Variants in MXD1 observed in about 807,000 individuals in gnomAD.
MXD1 encodes the protein MAX dimerization protein 1, also known as MAX-binding protein.
A neutral mutation model predicts 25.7 loss-of-function variants in MXD1; 9 were observed. That is an observed-to-expected ratio of 0.35 (90% CI 0.21 to 0.61). The LOEUF is 0.61. Among genes scored for constraint, MXD1 ranks in the 20% least tolerant of loss-of-function variants. MXD1 has a pLI of 0.75. For missense variants in MXD1, 227 were observed against 292.4 expected (o/e 0.78, Z 1.63); for synonymous variants, 99 against 113.9 (o/e 0.87, Z 0.83).
At position 69,915,144 on chromosome 2, in the gene MXD1, C is replaced by T; in HGVS notation, c.-187C>T. On this transcript the variant is annotated 5_prime_UTR_variant, in exon 1 of 6. Transcript: ENST00000264444. The surrounding 1 kb of genome is among the most constrained non-coding windows in gnomAD (Gnocchi z 5.8). Reference sequence around the variant, plus strand: ...GGGTTCTGTCACTGTGTCGGCGGTGCCCAGCTCACTGGCCCCCTCCCTCTC... The same window carrying T: ...GGGTTCTGTCACTGTGTCGGCGGTGTCCAGCTCACTGGCCCCCTCCCTCTC... 2.3e-6 allele frequency: 1 copy of T among 432,522 alleles called. No individual in the cohort carries two copies. Among genetic ancestry groups the T allele is most frequent in the Non-Finnish European group, 3.9e-6 (1 of 253,824 alleles). The allele number at this position is 432,522 out of a possible 1,614,324, so 26.8% of individuals were successfully genotyped here. A position where few individuals can be genotyped will look rare whatever the true frequency, so the allele number is the denominator to read the frequency against.
Position 69,934,623 on chromosome 2 carries a change from T to C in MXD1, c.204-728T>C, listed in dbSNP as rs759246883. On this transcript the variant is annotated intron_variant, in intron 3 of 5. Coordinates refer to ENST00000264444, the MANE Select transcript of MXD1 (RefSeq NM_002357.4). ...AGTTTCTTATGTGTCATTCCAGAGT[T>C]TGTCTACATACAAGAAAACATGAAT... is the stretch of plus-strand genomic sequence containing the variant. Among the ~76,000 whole-genome samples the C allele has an allele frequency of 3.9e-5, 6 of 152,238 alleles. No individual in the cohort carries two copies. In the South Asian group the frequency reaches 6.2e-4, roughly 16 times the overall value.
chr2:69,926,688 G>A (rs1212613631), intron 3 of MXD1, among the ~76,000 whole-genome samples: 2 of 151,980 alleles, frequency 1.3e-5, no homozygotes, highest in Non-Finnish European at 2.9e-5. Context: ...GATTATTGTT[G>A]GAATATAAAC....
At chr2:69,926,142 A>T (rs1677165449) in intron 3 of MXD1, among the ~76,000 whole-genome samples, 1 of 152,192 alleles carries the variant, frequency 6.6e-6, no homozygotes, top group South Asian at 2.1e-4. Context: ...TATATGAAAG[A>T]TATTGACACT....
rs11903761 is a variant in MXD1 at position 69,939,543 on chromosome 2, T to C, written c.*1259T>C. 1.3e-5 allele frequency: 2 copies of C among 152,664 alleles called. No homozygotes were observed. The highest frequency in any genetic ancestry group is 6.5e-5 in the Admixed American group (1 of 15,286). 9.5% of individuals were successfully genotyped at this position (152,664 alleles called of 1,614,324 possible). On this transcript the variant is annotated 3_prime_UTR_variant, in exon 6 of 6. Coordinates refer to ENST00000264444, the MANE Select transcript of MXD1 (RefSeq NM_002357.4). ...TATTTATTCATTTTATATAAACTAA[T>C]GTAATGGAAAACAAATTCTTATGAC... is the stretch of plus-strand genomic sequence containing the variant.
At chr2:69,916,328 G>A in intron 2 of MXD1, 108 bp downstream of exon 2, 2 of 705,794 alleles carry the variant, frequency 2.8e-6, no homozygotes, top group South Asian at 1.7e-5. Flanking sequence ...ATTACATTGT[G>A]GCCGTCATGA....
Position 69,941,768 on chromosome 2 carries a change from T to C in MXD1, c.*3484T>C, listed in dbSNP as rs1209741176. On this transcript the variant is annotated 3_prime_UTR_variant, in exon 6 of 6. Coordinates refer to ENST00000264444, the MANE Select transcript of MXD1 (RefSeq NM_002357.4). ...TGCTCAAAATAACCATCTAGCAATA[T>C]CTTGGAGCTTGAGAATAGATTTTGT... 1.3e-5 allele frequency: 2 copies of C among 152,146 alleles called. No homozygotes were observed. The highest frequency in any genetic ancestry group is 2.9e-5 in the Non-Finnish European group (2 of 68,040). The allele number at this position is 152,146 out of a possible 1,614,324, so 9.4% of individuals were successfully genotyped here. A position where few individuals can be genotyped will look rare whatever the true frequency, so the allele number is the denominator to read the frequency against.
Position 69,916,189 on chromosome 2 carries a change from A to T in MXD1, c.142A>T (p.Asn48Tyr), listed in dbSNP as rs1676959928. The T allele has an allele frequency of 6.2e-7, 1 of 1,611,510 alleles. No homozygotes were observed. The highest frequency in any genetic ancestry group is 8.5e-7 in the Non-Finnish European group (1 of 1,177,786). ...GGACAGAGATGCCTTAAAACGGAGG[A>T]ACAAATCCAAAAAGAATAACAGCAG... is the stretch of plus-strand genomic sequence containing the variant. ...NKDRDALKRR[N>Y]KSKKNNSSSR... The change falls in exon 2 of 6, where the codon AAC (asparagine) becomes TAC (tyrosine). Residue 48 changes from asparagine to tyrosine, a missense_variant. Asn to Tyr is a moderately radical substitution (Grantham distance 143). Transcript: ENST00000264444.
chr2:69,923,637 C>G (rs1204277716), intron 3 of MXD1, among the ~76,000 whole-genome samples: 1 of 152,018 alleles, frequency 6.6e-6, no homozygotes, highest in Non-Finnish European at 1.5e-5. Context: ...TATGCTTCTG[C>G]TCATCCCATC....
chr2:69,927,462 C>T (rs1677192579), intron 3 of MXD1, among the ~76,000 whole-genome samples: 1 of 152,194 alleles, frequency 6.6e-6, no homozygotes, highest in South Asian at 2.1e-4. Context: ...ATTTGTACCA[C>T]AAGAATCATC....
intron 2 of MXD1, among the ~76,000 whole-genome samples, chr2:69,918,518 A>G (rs1316249814): frequency 6.6e-6 from 1 of 152,232 alleles, no homozygotes; most frequent in Non-Finnish European, 1.5e-5. Context: ...CTAATTATTT[A>G]GAATTGAAAT....
intron 3 of MXD1, among the ~76,000 whole-genome samples, chr2:69,925,358 A>G (rs1190558788): frequency 2.0e-5 from 3 of 152,158 alleles, no homozygotes; most frequent in Non-Finnish European, 4.4e-5. Context: ...CCATAGTTCT[A>G]GCACTCAGAG....
At chr2:69,923,581 C>CGTGTGTGTGTGT (rs10652254) in intron 3 of MXD1, among the ~76,000 whole-genome samples, 7 of 150,304 alleles carry the variant, frequency 4.7e-5, no homozygotes, top group Non-Finnish European at 7.4e-5. Flanking sequence ...TATGGAATTT[C>CGTGTGTGTGTGT]GTGTGTGTGT....
At chr2:69,936,144 C>T (rs1234690991) in intron 4 of MXD1, among the ~76,000 whole-genome samples, 1 of 152,066 alleles carries the variant, frequency 6.6e-6, no homozygotes, top group Non-Finnish European at 1.5e-5. Flanking sequence ...AGGACTTCTA[C>T]TTATTCTTCA....
intron 3 of MXD1, among the ~76,000 whole-genome samples, chr2:69,930,228 G>A (rs993240276): frequency 1.3e-5 from 2 of 152,030 alleles, no homozygotes; most frequent in Non-Finnish European, 2.9e-5. Flanking sequence ...TTTTAAATTT[G>A]CTCCTCAATA....
At chr2:69,928,929 T>C (rs901286462) in intron 3 of MXD1, among the ~76,000 whole-genome samples, 11 of 152,198 alleles carry the variant, frequency 7.2e-5, no homozygotes, top group Non-Finnish European at 1.3e-4. Flanking sequence ...AGTCTTGCTC[T>C]GTCACCCAGG....
Position 69,915,259 on chromosome 2 carries a change from C to A in MXD1, c.-72C>A. 1 of 1,261,032 alleles carries A rather than the reference C, an allele frequency of 7.9e-7. No individual in the cohort carries two copies. The highest frequency in any genetic ancestry group is 1.0e-6 in the Non-Finnish European group (1 of 985,504). The allele number at this position is 1,261,032 out of a possible 1,614,324, so 78.1% of individuals were successfully genotyped here. Reference sequence around the variant, plus strand: ...ACAGCGGGCTCCATAGCGGGCTCCACAGCGGTCCGGCGGCGGCAGCGAGCC... The same window carrying A: ...ACAGCGGGCTCCATAGCGGGCTCCAAAGCGGTCCGGCGGCGGCAGCGAGCC... On this transcript the variant is annotated 5_prime_UTR_variant, in exon 1 of 6. Transcript: ENST00000264444. The surrounding 1 kb of genome is among the most constrained non-coding windows in gnomAD (Gnocchi z 5.8).
chr2:69,924,167 A>T (rs531185988), intron 3 of MXD1, among the ~76,000 whole-genome samples: 6 of 152,374 alleles, frequency 3.9e-5, no homozygotes, highest in South Asian at 4.1e-4. Context: ...AGTTTGTCCA[A>T]TGGGAAAGAT....
Position 69,941,193 on chromosome 2 carries a change from G to GC in MXD1, c.*2910dup, listed in dbSNP as rs1677592148. On this transcript the variant is annotated 3_prime_UTR_variant, in exon 6 of 6. Transcript: ENST00000264444. ...GCACTCTTATTGATACCATCATAAC[G>GC]CAAGTGGGAAAAATAAGAGTACGCA... is the stretch of plus-strand genomic sequence containing the variant. 1 of 152,122 alleles carries GC rather than the reference G, an allele frequency of 6.6e-6. No homozygotes were observed. The highest frequency in any genetic ancestry group is 2.4e-5 in the African/African-American group (1 of 41,414). 9.4% of individuals were successfully genotyped at this position (152,122 alleles called of 1,614,324 possible). A position where few individuals can be genotyped will look rare whatever the true frequency, so the allele number is the denominator to read the frequency against.
chr2:69,938,041 C>G lies in MXD1; in HGVS notation c.479-56C>G, dbSNP rs147771771. 83 of 1,557,486 alleles carry G rather than the reference C, an allele frequency of 5.3e-5. No homozygotes were observed. In the African/African-American group the frequency reaches 1.0e-3, roughly 20 times the overall value. Reference sequence around the variant, plus strand: ...GGATTACAAGCATGAGCCACCACGCCTGAGCTTTCTGCAGAGCGCTTTCAT... The same window carrying G: ...GGATTACAAGCATGAGCCACCACGCGTGAGCTTTCTGCAGAGCGCTTTCAT... On this transcript the variant is annotated intron_variant, in intron 5 of 5. Coordinates refer to ENST00000264444, the MANE Select transcript of MXD1 (RefSeq NM_002357.4).
Sources: allele counts gnomAD v4.1 joint callset (sites outside exome capture counted in the v4.1 genomes callset), GRCh38; gene constraint gnomAD v4.1.1; non-coding constraint Gnocchi (gnomAD v3.1); transcripts MANE v1.5; gene names NCBI Gene and HGNC (gene_info 2026-07-23, HGNC 2026-07-21).